The following EXOC5 variants were observed in gnomAD, a reference collection of about 807,000 sequenced individuals.
EXOC5 encodes exocyst complex component 5, also known as SEC10-like 1.
In EXOC5, 17 loss-of-function variants were observed where a neutral mutation model predicts 90.8. The ratio of observed to expected loss-of-function variants is 0.19; its 90% CI spans 0.13 to 0.28. EXOC5 has a LOEUF of 0.28. EXOC5 is among the 10% of genes least tolerant of loss of function. EXOC5 has a pLI of 1.00. For missense variants in EXOC5, 569 were observed against 830.6 expected (o/e 0.69, Z 3.87); for synonymous variants, 260 against 270.0 (o/e 0.96, Z 0.36).
intron 4 of EXOC5, among the ~76,000 whole-genome samples, chr14:57,241,198 C>T (rs1883847765): frequency 6.6e-6 from 1 of 152,142 alleles, no homozygotes; most frequent in Non-Finnish European, 1.5e-5. Context: ...TGACAAGCAA[C>T]TGTGAATAAC....
intron 12 of EXOC5, among the ~76,000 whole-genome samples, chr14:57,225,907 A>G (rs1883292843): frequency 6.6e-6 from 1 of 152,208 alleles, no homozygotes; most frequent in Admixed American, 6.5e-5. Flanking sequence ...CAGATAAGAG[A>G]CAAACAGTCG....
At chr14:57,244,794 C>G (rs1023827360) in intron 3 of EXOC5, among the ~76,000 whole-genome samples, 1 of 152,054 alleles carries the variant, frequency 6.6e-6, no homozygotes. Flanking sequence ...GTCAGGAGTT[C>G]AAGACCAGCC....
At chr14:57,263,782 G>GC (rs1196692755) in intron 1 of EXOC5, among the ~76,000 whole-genome samples, 1 of 139,526 alleles carries the variant, frequency 7.2e-6, no homozygotes, top group Non-Finnish European at 1.5e-5. Flanking sequence ...CAAAAAAACT[G>GC]CCCTCGAACT....
intron 6 of EXOC5, among the ~76,000 whole-genome samples, chr14:57,236,581 C>T (rs8021550): frequency 1.3e-5 from 2 of 152,068 alleles, no homozygotes; most frequent in Non-Finnish European, 1.5e-5. Flanking sequence ...CCACCATGTC[C>T]GGCCCTATTC....
At chr14:57,253,775 A>C (rs1384407296) in intron 1 of EXOC5, among the ~76,000 whole-genome samples, 1 of 152,258 alleles carries the variant, frequency 6.6e-6, no homozygotes, top group South Asian at 2.1e-4. Flanking sequence ...CAGTCTTTTC[A>C]GCAAATAATG....
At chr14:57,246,620 T>C (rs1884041091) in intron 3 of EXOC5, 91 bp downstream of exon 3, 3 of 1,097,874 alleles carry the variant, frequency 2.7e-6, no homozygotes, top group East Asian at 2.4e-5. Flanking sequence ...GTTACTATCA[T>C]CTGACTAGAC....
rs1325156258 is a variant in EXOC5 at position 57,206,377 on chromosome 14, GAC to G, written c.*2230_*2231del. 7.4e-6 allele frequency: 1 copy of G among 135,080 alleles called. No homozygotes were observed. The highest frequency in any genetic ancestry group is 1.4e-5 in the Non-Finnish European group (1 of 69,922). 8.4% of individuals were successfully genotyped at this position (135,080 alleles called of 1,614,324 possible). On this transcript the variant is annotated 3_prime_UTR_variant, in exon 18 of 18. Coordinates refer to ENST00000621441, the MANE Select transcript of EXOC5 (RefSeq NM_006544.4). ...ACAAAGAATGCATATTGCCTCACATGACACATTTTTTTTTTTCCCTCAGAGAA... is the reference window on the plus strand; with the variant it reads ...ACAAAGAATGCATATTGCCTCACATGACATTTTTTTTTTTCCCTCAGAGAA...
intron 15 of EXOC5, among the ~76,000 whole-genome samples, chr14:57,216,455 G>C (rs1278250449): frequency 6.6e-6 from 1 of 152,068 alleles, no homozygotes; most frequent in Non-Finnish European, 1.5e-5. Context: ...CAGCCCAATG[G>C]AACAGGATAC....
Position 57,207,871 on chromosome 14 carries a change from A to C in EXOC5, c.*738T>G. The C allele has an allele frequency of 2.0e-5, 3 of 152,254 alleles. No individual in the cohort carries two copies. The highest frequency in any genetic ancestry group is 6.8e-3 in the Middle Eastern group (2 of 294). 9.4% of individuals were successfully genotyped at this position (152,254 alleles called of 1,614,324 possible). A position where few individuals can be genotyped will look rare whatever the true frequency, so the allele number is the denominator to read the frequency against. Reference sequence around the variant, plus strand: ...AAATACAAAATAAGGTAGTTTTATTAATTTCTTACTAGAATTGGCTTAAAA... The same window carrying C: ...AAATACAAAATAAGGTAGTTTTATTCATTTCTTACTAGAATTGGCTTAAAA... On this transcript the variant is annotated 3_prime_UTR_variant, in exon 18 of 18. Transcript: ENST00000621441.
intron 1 of EXOC5, among the ~76,000 whole-genome samples, chr14:57,252,529 G>A (rs1254047474): frequency 6.6e-6 from 1 of 151,940 alleles, no homozygotes; most frequent in East Asian, 1.9e-4. Context: ...ACAAGTATAC[G>A]AAAAAATGCT....
rs1359633182 is a variant in EXOC5 at position 57,209,620 on chromosome 14, T to G, written c.1885A>C (p.Met629Leu). 1 of 1,613,526 alleles carries G rather than the reference T, an allele frequency of 6.2e-7. No homozygotes were observed. Among genetic ancestry groups the G allele is most frequent in the African/African-American group, 1.3e-5 (1 of 75,042 alleles). The change falls in exon 17 of 18, where the codon ATG becomes CTG. Residue 629 changes from methionine (M) to leucine (L), a missense_variant. By Grantham distance (15) the Met-to-Leu change is conservative. Transcript: ENST00000621441. ...QQYSYSCMGGMLAICDVAEYR... is the reference protein window; with the variant it reads ...QQYSYSCMGGLLAICDVAEYR... The stretch of plus-strand genomic sequence containing the variant: ...TCGGCTACATCACAAATGGCCAACA[T>G]GCCACCCATACAACTGTAGGAATAT...
chr14:57,262,682 A>T (rs995331853), intron 1 of EXOC5, among the ~76,000 whole-genome samples: 1 of 138,046 alleles, frequency 7.2e-6, no homozygotes, highest in African/African-American at 3.0e-5. Flanking sequence ...ATATATATAC[A>T]TTAAGTATAT....
At chr14:57,232,602 C>T (rs932247095) in intron 10 of EXOC5, 65 bp downstream of exon 10, 1 of 689,870 alleles carries the variant, frequency 1.4e-6, no homozygotes, top group East Asian at 2.9e-5. Context: ...TGAATACTTC[C>T]TTGTTTTTAT....
intron 7 of EXOC5, among the ~76,000 whole-genome samples, chr14:57,235,276 A>G (rs1359233238): frequency 6.6e-6 from 1 of 152,090 alleles, no homozygotes; most frequent in African/African-American, 2.4e-5. Context: ...CCGTAATACA[A>G]AATTCTTTTG....
chr14:57,234,089 C>A, intron 7 of EXOC5, 57 bp from the exon 8 acceptor site: 3 of 1,313,676 alleles, frequency 2.3e-6, no homozygotes, highest in South Asian at 2.6e-5. Flanking sequence ...ATTATTATTT[C>A]AAAAAAAGAA....
rs1594642142 is a variant in EXOC5 at position 57,206,680 on chromosome 14, A to G, written c.*1929T>C. ...TTTTGTCACTGTCCTATCAACGGAC[A>G]TAATAGAAAATATTGCACAGAACTC... On this transcript the variant is annotated 3_prime_UTR_variant, in exon 18 of 18. Coordinates refer to ENST00000621441, the MANE Select transcript of EXOC5 (RefSeq NM_006544.4). 6.6e-6 allele frequency: 1 copy of G among 152,578 alleles called. No homozygotes were observed. Among genetic ancestry groups the G allele is most frequent in the East Asian group, 1.9e-4 (1 of 5,182 alleles). 9.5% of individuals were successfully genotyped at this position (152,578 alleles called of 1,614,324 possible).
chr14:57,246,723 C>T lies in EXOC5; in HGVS notation c.258G>A (p.Gln86=), dbSNP rs200704482. The change falls in exon 3 of 18, where the codon CAG becomes CAA. Residue 86 remains glutamine (Q), a synonymous_variant. Transcript: ENST00000621441. ...ACAAAACGTTTACCTGATTGCTTTT[C>T]TGCAGCTCTTGTACCTTCTTGGCAA... is the stretch of plus-strand genomic sequence containing the variant. ...KEFAKKVQEL[Q]KSNQVAFQHF... 1.9e-4 allele frequency: 310 copies of T among 1,610,518 alleles called. 1 individual carries two copies. The African/African-American group carries it at 3.5e-3, about 18-fold the overall frequency.
At chr14:57,257,511 A>G (rs1008434026) in intron 1 of EXOC5, among the ~76,000 whole-genome samples, 12 of 152,160 alleles carry the variant, frequency 7.9e-5, no homozygotes, top group Non-Finnish European at 1.6e-4. Flanking sequence ...GCAGGAAAAC[A>G]ATCCAACAAA....
chr14:57,216,490 T>C (rs1882978630), intron 15 of EXOC5, among the ~76,000 whole-genome samples: 1 of 152,050 alleles, frequency 6.6e-6, no homozygotes, highest in Non-Finnish European at 1.5e-5. Context: ...AATCCATCCA[T>C]TTATGGTCAA....
Sources: allele counts gnomAD v4.1 joint callset (sites outside exome capture counted in the v4.1 genomes callset), GRCh38; gene constraint gnomAD v4.1.1; transcripts MANE v1.5; gene names NCBI Gene and HGNC (gene_info 2026-07-23, HGNC 2026-07-21).